The following GALNT14 variants were observed in gnomAD, a reference collection of about 807,000 sequenced individuals.
GALNT14 encodes the protein polypeptide N-acetylgalactosaminyltransferase 14.
In GALNT14, 60 loss-of-function variants were observed where a neutral mutation model predicts 77.5. The observed-to-expected ratio is 0.77, with a 90% CI of 0.63 to 0.96. The LOEUF (loss-of-function observed/expected upper bound fraction) is 0.96. Among genes scored for constraint, GALNT14 ranks in the 40% least tolerant of loss-of-function variants. The pLI is 0.00. For missense variants in GALNT14, 710 were observed against 731.0 expected, an observed-to-expected ratio of 0.97 and a Z score of 0.33; for synonymous variants, 280 against 281.7, an observed-to-expected ratio of 0.99 and a Z score of 0.06.
chr2:31,105,099 A>G (rs1677489299), intron 1 of GALNT14, among the ~76,000 whole-genome samples: 1 of 152,212 alleles, frequency 6.6e-6, no homozygotes, highest in African/African-American at 2.4e-5. Context: ...ATTTTTCGGT[A>G]AGGAAGAGTC....
intron 1 of GALNT14, among the ~76,000 whole-genome samples, chr2:31,130,631 A>C (rs1177816504): frequency 6.6e-6 from 1 of 152,094 alleles, no homozygotes; most frequent in African/African-American, 2.4e-5. Context: ...CCAAATGCAA[A>C]GACTGTCACC....
chr2:31,045,198 C>A (rs1161876717), intron 1 of GALNT14, among the ~76,000 whole-genome samples: 3 of 152,112 alleles, frequency 2.0e-5, no homozygotes, highest in Admixed American at 6.5e-5. Flanking sequence ...AGAAAACTGG[C>A]CCAAACCTTG....
intron 2 of GALNT14, among the ~76,000 whole-genome samples, chr2:30,989,595 T>TATATATA (rs1431347563): frequency 1.8e-5 from 2 of 112,852 alleles, no homozygotes; most frequent in African/African-American, 3.2e-5. Context: ...AATATATATA[T>TATATATA]TAGTAGATAT....
At chr2:31,006,429 C>T (rs1177865968) in intron 1 of GALNT14, among the ~76,000 whole-genome samples, 6 of 152,126 alleles carry the variant, frequency 3.9e-5, no homozygotes, top group African/African-American at 2.4e-5. Flanking sequence ...AGAACAAACC[C>T]AAGGCAGGTG....
intron 1 of GALNT14, among the ~76,000 whole-genome samples, chr2:31,117,303 ATAGTC>A (rs1224939717): frequency 3.9e-5 from 6 of 152,182 alleles, no homozygotes; most frequent in African/African-American, 9.6e-5. Context: ...AAAAATATAA[ATAGTC>A]TAGTAAGAAC....
At chr2:30,902,819 C>T in the GALNT14 span, among the ~76,000 whole-genome samples, 292 of 152,216 alleles carry the variant, frequency 1.9e-3, no homozygotes, top group African/African-American at 6.6e-3. Flanking sequence ...ACACTGAGGG[C>T]GACAGAGGAC....
At chr2:30,899,895 G>A in the GALNT14 span, among the ~76,000 whole-genome samples, 105 of 152,258 alleles carry the variant, frequency 6.9e-4, no homozygotes, top group Non-Finnish European at 1.2e-3. Context: ...CACGTGGGGC[G>A]TCGCAGAGGT....
At chr2:30,897,977 T>G in the GALNT14 span, among the ~76,000 whole-genome samples, 16 of 152,154 alleles carry the variant, frequency 1.1e-4, no homozygotes, top group Non-Finnish European at 2.1e-4. Context: ...CTCTGAGGAT[T>G]GAAGAGTGCA....
At chr2:31,019,218 C>T (rs1309285147) in intron 1 of GALNT14, among the ~76,000 whole-genome samples, 2 of 152,242 alleles carry the variant, frequency 1.3e-5, no homozygotes, top group East Asian at 3.9e-4. Context: ...GACAGAACTG[C>T]GATGCCTCCA....
intron 13 of GALNT14, among the ~76,000 whole-genome samples, chr2:30,923,216 C>T (rs1665146946): frequency 6.6e-6 from 1 of 151,452 alleles, no homozygotes; most frequent in East Asian, 1.9e-4. Context: ...GCGCATGCCA[C>T]CCTGCCCGGC....
chr2:31,006,797 G>C (rs987336844), intron 1 of GALNT14, among the ~76,000 whole-genome samples: 1 of 152,218 alleles, frequency 6.6e-6, no homozygotes, highest in African/African-American at 2.4e-5. Flanking sequence ...GTGCCCCTAA[G>C]CCCTGCCACT....
At chr2:31,017,083 A>T (rs1671416098) in intron 1 of GALNT14, among the ~76,000 whole-genome samples, 1 of 152,040 alleles carries the variant, frequency 6.6e-6, no homozygotes, top group Non-Finnish European at 1.5e-5. Flanking sequence ...TCTAATTTGG[A>T]CCCCAGTCTG....
chr2:31,123,741 C>G (rs1367641658), intron 1 of GALNT14, among the ~76,000 whole-genome samples: 1 of 152,158 alleles, frequency 6.6e-6, no homozygotes, highest in Non-Finnish European at 1.5e-5. Context: ...ACAGGAAATT[C>G]AACCATGCAG....
chr2:31,043,946 C>T (rs1199917947), intron 1 of GALNT14, among the ~76,000 whole-genome samples: 7 of 73,398 alleles, frequency 9.5e-5, no homozygotes, highest in Admixed American at 3.5e-4. Context: ...GCAGTTACAG[C>T]GTGCTCCCTG....
At chr2:30,967,596 G>T (rs1249873418) in intron 2 of GALNT14, among the ~76,000 whole-genome samples, 1 of 152,184 alleles carries the variant, frequency 6.6e-6, no homozygotes, top group Non-Finnish European at 1.5e-5. Flanking sequence ...TGTCCTTCAA[G>T]CCTGTCCTCT....
chr2:31,048,260 T>G (rs575168575), intron 1 of GALNT14, among the ~76,000 whole-genome samples: 1 of 152,234 alleles, frequency 6.6e-6, no homozygotes, highest in East Asian at 1.9e-4. Context: ...AGGAAGCCCA[T>G]AGTGGCCTTT....
the GALNT14 span, among the ~76,000 whole-genome samples, chr2:30,902,727 A>G: frequency 1.6e-3 from 239 of 152,312 alleles, 2 homozygotes; most frequent in African/African-American, 5.7e-3. Flanking sequence ...ACGCCCACTG[A>G]GAGGCTGAAA....
At chr2:30,955,761 G>T in intron 5 of GALNT14, 22 bp from the exon 6 acceptor site, 2 of 1,613,522 alleles carry the variant, frequency 1.2e-6, no homozygotes, top group Non-Finnish European at 1.7e-6. Context: ...AACAAATGAC[G>T]AAGTGGGTGC....
At chr2:30,930,364 C>A (rs1379360953) in intron 10 of GALNT14, among the ~76,000 whole-genome samples, 1 of 152,228 alleles carries the variant, frequency 6.6e-6, no homozygotes, top group Non-Finnish European at 1.5e-5. Context: ...ATGCAGTTAG[C>A]CTGCTGCAGG....
Sources: gnomAD v4.1 joint callset for allele counts (sites outside exome capture counted in the v4.1 genomes callset) on GRCh38, gnomAD v4.1.1 for gene constraint, MANE v1.5 for transcripts, NCBI Gene and HGNC (gene_info 2026-07-23, HGNC 2026-07-21) for gene names.